SLC12A1: variants seen among roughly 807,000 people sequenced by gnomAD.
The protein encoded by SLC12A1 is Na-K-2Cl cotransporter.
Under a neutral mutation model 130.4 loss-of-function variants are expected in SLC12A1, and 89 were observed. The observed-to-expected ratio is 0.68, with a 90% CI of 0.58 to 0.81. SLC12A1 has a LOEUF of 0.81. Ranked by LOEUF, SLC12A1 falls within the 40% of genes least tolerant of loss-of-function variation. The pLI is 0.00. For synonymous variants in SLC12A1, 499 were observed against 460.0 expected (o/e 1.08, Z -1.09); for missense variants, 1,310 against 1,336.4 (o/e 0.98, Z 0.31).
intron 17 of SLC12A1, among the ~76,000 whole-genome samples, chr15:48,266,927 C>G (rs868746649): frequency 6.6e-6 from 1 of 152,302 alleles, no homozygotes; most frequent in East Asian, 1.9e-4. Flanking sequence ...TTCCACTCTT[C>G]TTAGGTCATA....
intron 10 of SLC12A1, among the ~76,000 whole-genome samples, chr15:48,242,962 T>C (rs2041534681): frequency 6.6e-6 from 1 of 152,196 alleles, no homozygotes; most frequent in African/African-American, 2.4e-5. Flanking sequence ...TTCTTTTTTC[T>C]ACAGTTAAAG....
intron 24 of SLC12A1, among the ~76,000 whole-genome samples, chr15:48,295,801 C>T (rs1407326204): frequency 1.3e-5 from 2 of 152,148 alleles, no homozygotes; most frequent in African/African-American, 4.8e-5. Flanking sequence ...AGCCATCCTC[C>T]TCTCTTCAGC....
chr15:48,235,582 G>A lies in SLC12A1; in HGVS notation c.1215+578G>A, dbSNP rs565887960. ...GACACTTGGGAGGCTGAGGTGGGAG[G>A]ATTGCTTGAACCCAGGAGTTTGAGG... On this transcript the variant is annotated intron_variant, in intron 9 of 26. Transcript: ENST00000380993. Among the ~76,000 whole-genome samples, 8 of 152,136 alleles carry A rather than the reference G, an allele frequency of 5.3e-5. No individual in the cohort carries two copies. In the South Asian group the frequency reaches 1.7e-3, roughly 32 times the overall value.
intron 21 of SLC12A1, among the ~76,000 whole-genome samples, chr15:48,285,585 A>C (rs2042048414): frequency 6.6e-6 from 1 of 152,248 alleles, no homozygotes; most frequent in South Asian, 2.1e-4. Context: ...GCCAATACCC[A>C]AACTGTCTTA....
chr15:48,255,293 C>G (rs1330700372), intron 15 of SLC12A1, among the ~76,000 whole-genome samples: 6 of 151,998 alleles, frequency 3.9e-5, no homozygotes, highest in African/African-American at 1.2e-4. Context: ...CAAAAATTAT[C>G]CAGACATGTT....
chr15:48,246,745 A>C (rs946054345), intron 11 of SLC12A1, among the ~76,000 whole-genome samples, 164 bp from the exon 12 acceptor site: 10 of 152,132 alleles, frequency 6.6e-5, no homozygotes, highest in Non-Finnish European at 1.0e-4. Flanking sequence ...GTGCCACTGC[A>C]CTCCAGCCTG....
At chr15:48,229,426 G>A (rs2041341015) in intron 6 of SLC12A1, 98 bp downstream of exon 6, 5 of 1,238,386 alleles carry the variant, frequency 4.0e-6, no homozygotes, top group Admixed American at 4.7e-5. Context: ...TAAATGAGAG[G>A]AAAAAAGTTA....
intron 21 of SLC12A1, among the ~76,000 whole-genome samples, chr15:48,286,905 A>AGAG (rs1190181325): frequency 6.6e-6 from 1 of 152,224 alleles, no homozygotes; most frequent in East Asian, 1.9e-4. Flanking sequence ...AAGTGAGGGC[A>AGAG]GAGCTTGGTC....
rs2041202004 is a variant in SLC12A1 at position 48,220,756 on chromosome 15, AG to A, written c.545del (p.Gly182ValfsTer4). 1.2e-6 allele frequency: 2 copies of A among 1,613,834 alleles called. No individual in the cohort carries two copies. On this transcript the variant is annotated frameshift_variant, in exon 3 of 27. Transcript: ENST00000380993. LOFTEE classifies it high-confidence loss of function. ...GTGTTGTGAAGTTTGGATGGGTGAA[AG>A]GTGTGCTGGTGAGAAAGCTCTTCTG... The part of the protein sequence containing the change: ...AGVVKFGWVK[G>X]VLVRCMLNIW...
chr15:48,238,003 T>C (rs1420709171), intron 9 of SLC12A1, among the ~76,000 whole-genome samples: 1 of 152,158 alleles, frequency 6.6e-6, no homozygotes, highest in African/African-American at 2.4e-5. Flanking sequence ...TCAGCTTTTG[T>C]TAGAATTAGG....
rs1475486428 is a variant in SLC12A1 at position 48,269,025 on chromosome 15, A to C, written c.2296-633A>C. Among the ~76,000 whole-genome samples, 5 of 152,328 alleles carry C rather than the reference A, an allele frequency of 3.3e-5. No individual in the cohort carries two copies. In the East Asian group the frequency reaches 7.7e-4, roughly 24 times the overall value. On this transcript the variant is annotated intron_variant, in intron 18 of 26. Coordinates refer to ENST00000380993, the MANE Select transcript of SLC12A1 (RefSeq NM_000338.3). ...TACAGGAGAACCATGGCAAAAGGAC[A>C]AGACATAGCACTATGCAATTCATAG...
chr15:48,245,516 T>C (rs1276191776), intron 11 of SLC12A1, among the ~76,000 whole-genome samples: 1 of 152,226 alleles, frequency 6.6e-6, no homozygotes, highest in Non-Finnish European at 1.5e-5. Context: ...TGAGAATATG[T>C]GGTATTTGGT....
chr15:48,263,984 C>T lies in SLC12A1; in HGVS notation c.2155-3577C>T, dbSNP rs770770761. Reference sequence around the variant, plus strand: ...CATTATAGGTATGAGCCATTGCACTCGGCCCTCCACTCACTTTTTAAATGA... The same window carrying T: ...CATTATAGGTATGAGCCATTGCACTTGGCCCTCCACTCACTTTTTAAATGA... On this transcript the variant is annotated intron_variant, in intron 17 of 26. Transcript: ENST00000380993. Among the ~76,000 whole-genome samples, 13 of 152,224 alleles carry T rather than the reference C, an allele frequency of 8.5e-5. No individual in the cohort carries two copies. The East Asian group carries it at 1.2e-3, about 14-fold the overall frequency.
At position 48,246,345 on chromosome 15, in the gene SLC12A1, G is replaced by A. The variant is rs2041579651; in HGVS notation, c.1453-564G>A. Among the ~76,000 whole-genome samples the A allele has an allele frequency of 3.3e-5, 5 of 152,132 alleles. No individual in the cohort carries two copies. In the South Asian group the frequency reaches 1.0e-3, roughly 32 times the overall value. ...CATCAAAGAAACATATGGCCACAAA[G>A]AACAGAGGGGAAAATGTCAAAATCC... On this transcript the variant is annotated intron_variant, in intron 11 of 26. Transcript: ENST00000380993.
intron 20 of SLC12A1, among the ~76,000 whole-genome samples, chr15:48,282,077 C>A (rs1374967983): frequency 6.6e-6 from 1 of 152,088 alleles, no homozygotes; most frequent in Non-Finnish European, 1.5e-5. Context: ...GATCACCTAC[C>A]AAGTGAATAA....
At chr15:48,281,631 C>G (rs554806597) in intron 20 of SLC12A1, among the ~76,000 whole-genome samples, 53 of 152,292 alleles carry the variant, frequency 3.5e-4, no homozygotes, top group African/African-American at 1.0e-3. Context: ...ATCACTTGAA[C>G]TTTCTGAGCC....
Position 48,227,112 on chromosome 15 carries a change from T to TA in SLC12A1, c.724+542dup, listed in dbSNP as rs759707725. ...GTCATCATCATTGGCCTAAGTGTGG[T>TA]AGTAACGACACTCACAGGTATTTCT... On this transcript the variant is annotated intron_variant, in intron 5 of 26. Coordinates refer to ENST00000380993, the MANE Select transcript of SLC12A1 (RefSeq NM_000338.3). The TA allele has an allele frequency of 3.2e-6, 5 of 1,552,186 alleles. No homozygotes were observed. In the South Asian group the frequency reaches 5.9e-5, roughly 18 times the overall value.
intron 9 of SLC12A1, among the ~76,000 whole-genome samples, chr15:48,239,638 T>G (rs1325683951): frequency 2.0e-5 from 3 of 151,606 alleles, no homozygotes; most frequent in Non-Finnish European, 4.4e-5. Context: ...AAAAACTAAG[T>G]TTTTGGGGTG....
intron 20 of SLC12A1, among the ~76,000 whole-genome samples, chr15:48,276,306 A>G (rs117137296): frequency 9.8e-4 from 150 of 152,320 alleles, no homozygotes; most frequent in Non-Finnish European, 1.9e-3. Context: ...TGAGCTGGAA[A>G]TACAGATTTA....
Sources: allele counts gnomAD v4.1 joint callset (sites outside exome capture counted in the v4.1 genomes callset), GRCh38; gene constraint gnomAD v4.1.1; transcripts MANE v1.5; gene names NCBI Gene and HGNC (gene_info 2026-07-23, HGNC 2026-07-21).